ST3GAL1: variants seen among roughly 807,000 people sequenced by gnomAD.
The protein encoded by ST3GAL1 is CMP-N-acetylneuraminate-beta-galactosamide-alpha-2,3-sialyltransferase 1.
A neutral mutation model predicts 34.1 loss-of-function variants in ST3GAL1; 16 were observed. The observed-to-expected ratio is 0.47, with a 90% CI of 0.32 to 0.71. ST3GAL1 has a LOEUF of 0.71. ST3GAL1 is among the 30% of genes least tolerant of loss of function. The probability of loss-of-function intolerance (pLI) is 0.04; values close to 1 mark genes in which losing one functional copy is unlikely to be tolerated. For missense variants in ST3GAL1, 353 were observed against 447.4 expected (o/e 0.79, Z 1.90); for synonymous variants, 191 against 184.7 (o/e 1.03, Z -0.28).
At chr8:133,548,238 C>T (rs1472681003) in intron 1 of ST3GAL1, among the ~76,000 whole-genome samples, 1 of 152,200 alleles carries the variant, frequency 6.6e-6, no homozygotes, top group Non-Finnish European at 1.5e-5. Flanking sequence ...TGCCAACTCC[C>T]TCTCTTGGCA....
At chr8:133,546,427 G>A (rs1818672024) in intron 1 of ST3GAL1, among the ~76,000 whole-genome samples, 1 of 149,878 alleles carries the variant, frequency 6.7e-6, no homozygotes, top group South Asian at 2.1e-4. Flanking sequence ...AGGTTACAGT[G>A]AGCCCAGATC....
intron 1 of ST3GAL1, among the ~76,000 whole-genome samples, chr8:133,569,077 C>G (rs1303707674): frequency 6.6e-6 from 1 of 152,218 alleles, no homozygotes; most frequent in Admixed American, 6.5e-5. Context: ...CCTCCTCTGC[C>G]ATCACTTCTA....
intron 2 of ST3GAL1, among the ~76,000 whole-genome samples, chr8:133,500,586 C>T (rs1817118907): frequency 6.6e-6 from 1 of 152,190 alleles, no homozygotes; most frequent in African/African-American, 2.4e-5. Context: ...GGGTCCAATT[C>T]TCAGCCCTGT....
intron 1 of ST3GAL1, among the ~76,000 whole-genome samples, chr8:133,548,790 G>A (rs1468805895): frequency 6.6e-6 from 1 of 152,184 alleles, no homozygotes; most frequent in Admixed American, 6.5e-5. Flanking sequence ...ACTAGACTGA[G>A]ACTTCAGAGG....
chr8:133,465,618 C>T (rs1273004967), intron 6 of ST3GAL1: 6 of 367,888 alleles, frequency 1.6e-5, no homozygotes, highest in Non-Finnish European at 2.4e-5. Flanking sequence ...GCCCTCTCCC[C>T]AGGCCTCCAT....
Position 133,459,595 on chromosome 8 carries a change from C to T in ST3GAL1, c.*169G>A, listed in dbSNP as rs968906971. ...CTGCCACGCTGGCAGAGCTTAGTGA[C>T]CTTGCTGAGTAGATGCTGCCAACGG... On this transcript the variant is annotated 3_prime_UTR_variant, in exon 10 of 10. Transcript: ENST00000522652. This position sits in a 1 kb window ranked among gnomAD's most constrained non-coding sequence, Gnocchi z 4.7. The T allele has an allele frequency of 8.2e-6, 6 of 733,896 alleles. No homozygotes were observed. The highest frequency in any genetic ancestry group is 1.2e-5 in the Non-Finnish European group (6 of 484,234). 45.5% of individuals were successfully genotyped at this position (733,896 alleles called of 1,614,324 possible). A position where few individuals can be genotyped will look rare whatever the true frequency, so the allele number is the denominator to read the frequency against.
At position 133,556,994 on chromosome 8, in the gene ST3GAL1, G is replaced by A. The variant is rs977873787; in HGVS notation, c.-581-11068C>T. ...GAAACATTGTGACATGGTGGAAAGG[G>A]GTATGTGACAACCCCCCAACCTGAC... On this transcript the variant is annotated intron_variant, in intron 1 of 9. Transcript: ENST00000522652. This position sits in a 1 kb window ranked among gnomAD's most constrained non-coding sequence, Gnocchi z 8.9. Among the ~76,000 whole-genome samples, 1 of 152,114 alleles carries A rather than the reference G, an allele frequency of 6.6e-6. No individual in the cohort carries two copies. The highest frequency in any genetic ancestry group is 2.4e-5 in the African/African-American group (1 of 41,432).
At chr8:133,482,376 C>T (rs922164764) in intron 3 of ST3GAL1, among the ~76,000 whole-genome samples, 4 of 152,108 alleles carry the variant, frequency 2.6e-5, no homozygotes, top group South Asian at 2.1e-4. Flanking sequence ...GTGTCACGGG[C>T]GTGGCAAATT....
chr8:133,551,654 A>T (rs1165205998), intron 1 of ST3GAL1, among the ~76,000 whole-genome samples: 1 of 152,228 alleles, frequency 6.6e-6, no homozygotes, highest in Non-Finnish European at 1.5e-5. Flanking sequence ...TACTTTACTC[A>T]TTGGTAAAAT....
At chr8:133,558,430 GCTAATA>G (rs1819121075) in intron 1 of ST3GAL1, among the ~76,000 whole-genome samples, 1 of 152,170 alleles carries the variant, frequency 6.6e-6, no homozygotes, top group South Asian at 2.1e-4. Flanking sequence ...CAGTGGCAGA[GCTAATA>G]CTTTTATGAG....
intron 1 of ST3GAL1, among the ~76,000 whole-genome samples, chr8:133,568,981 A>ACAATCAG (rs1819484836): frequency 6.6e-6 from 1 of 152,218 alleles, no homozygotes; most frequent in Non-Finnish European, 1.5e-5. Context: ...AGCCCTGATT[A>ACAATCAG]CAATCAGCAA....
intron 7 of ST3GAL1, 72 bp downstream of exon 7, chr8:133,464,706 A>G (rs1480554219): frequency 6.6e-7 from 1 of 1,525,962 alleles, no homozygotes; most frequent in Admixed American, 1.8e-5. Flanking sequence ...CAGCAGGACC[A>G]CGGCAGGGTG....
At position 133,570,384 on chromosome 8, in the gene ST3GAL1, G is replaced by C. The variant is rs1372796980; in HGVS notation, c.-582+1309C>G. Reference sequence around the variant, plus strand: ...GGGTCACGGCTGACTCCCTCTGCGGGACTCGCCCAGCCCGCGAGACGCAGT... The same window carrying C: ...GGGTCACGGCTGACTCCCTCTGCGGCACTCGCCCAGCCCGCGAGACGCAGT... On this transcript the variant is annotated intron_variant, in intron 1 of 9. Transcript: ENST00000522652. The surrounding 1 kb of genome is among the most constrained non-coding windows in gnomAD (Gnocchi z 5.6). 1 of 152,266 alleles carries C rather than the reference G, an allele frequency of 6.6e-6. No homozygotes were observed. The highest frequency in any genetic ancestry group is 6.5e-5 in the Admixed American group (1 of 15,290). 9.4% of individuals were successfully genotyped at this position (152,266 alleles called of 1,614,324 possible). A position where few individuals can be genotyped will look rare whatever the true frequency, so the allele number is the denominator to read the frequency against.
In ST3GAL1 at chr8:133,469,279, T is replaced by C. The variant is rs1201528020; in HGVS notation, c.307-3189A>G. Among the ~76,000 whole-genome samples the C allele has an allele frequency of 1.3e-5, 2 of 152,164 alleles. No homozygotes were observed. Among genetic ancestry groups the C allele is most frequent in the Non-Finnish European group, 2.9e-5 (2 of 68,034 alleles). On this transcript the variant is annotated intron_variant, in intron 5 of 9. Transcript: ENST00000522652. The surrounding 1 kb of genome is among the most constrained non-coding windows in gnomAD (Gnocchi z 4.3). Reference sequence around the variant, plus strand: ...TATCGCCCAGGCTGGAATGCAGTGGTGCGATCTCGGCTCACTGCAACCTCT... The same window carrying C: ...TATCGCCCAGGCTGGAATGCAGTGGCGCGATCTCGGCTCACTGCAACCTCT...
intron 2 of ST3GAL1, among the ~76,000 whole-genome samples, chr8:133,523,104 T>C (rs1046579759): frequency 1.3e-5 from 2 of 152,202 alleles, no homozygotes; most frequent in South Asian, 2.1e-4. Context: ...CACTCCCACC[T>C]GGCCCAGGGC....
At chr8:133,538,593 G>A (rs1306961591) in intron 2 of ST3GAL1, among the ~76,000 whole-genome samples, 1 of 152,232 alleles carries the variant, frequency 6.6e-6, no homozygotes, top group Non-Finnish European at 1.5e-5. Flanking sequence ...AGGAGAGGAT[G>A]CAAAAGGCTG....
intron 2 of ST3GAL1, among the ~76,000 whole-genome samples, chr8:133,518,883 G>A (rs1242647400): frequency 6.6e-6 from 1 of 152,216 alleles, no homozygotes; most frequent in Non-Finnish European, 1.5e-5. Context: ...GAGCCTGTAG[G>A]TGCTGGAGCA....
intron 2 of ST3GAL1, among the ~76,000 whole-genome samples, chr8:133,541,542 C>A (rs191553482): frequency 6.6e-6 from 1 of 152,144 alleles, no homozygotes; most frequent in African/African-American, 2.4e-5. Context: ...TAACAGGACT[C>A]CATCTGAGAG....
chr8:133,536,086 T>C (rs1003070759), intron 2 of ST3GAL1, among the ~76,000 whole-genome samples: 1 of 152,192 alleles, frequency 6.6e-6, no homozygotes, highest in African/African-American at 2.4e-5. Context: ...GAGAAGATAC[T>C]GTATCCAAGG....
Sources: allele counts gnomAD v4.1 joint callset (sites outside exome capture counted in the v4.1 genomes callset), GRCh38; gene constraint gnomAD v4.1.1; non-coding constraint Gnocchi (gnomAD v3.1); transcripts MANE v1.5; gene names NCBI Gene and HGNC (gene_info 2026-07-23, HGNC 2026-07-21).